Variants in PBX2 observed in about 807,000 individuals in gnomAD.
PBX2 encodes the protein pre-B-cell leukemia transcription factor 2.
In PBX2, 10 loss-of-function variants were observed where a neutral mutation model predicts 46.5. The observed-to-expected ratio is 0.21, with a 90% CI of 0.13 to 0.36. PBX2 has a LOEUF of 0.36. PBX2 is among the 10% of genes least tolerant of loss of function. The probability of loss-of-function intolerance (pLI) is 1.00; values close to 1 mark genes in which losing one functional copy is unlikely to be tolerated. For missense variants in PBX2, 392 were observed against 580.5 expected, an observed-to-expected ratio of 0.68 and a Z score of 3.34; for synonymous variants, 160 against 222.5, an observed-to-expected ratio of 0.72 and a Z score of 2.50.
Position 32,187,566 on chromosome 6 carries a change from G to A in PBX2, c.870+81C>T. ...TCCCACTTCAGCCTCCCTAGTAGCT[G>A]GGATTACAGGAACACACCACTGCAC... On this transcript the variant is annotated intron_variant, in intron 5 of 8. Transcript: ENST00000375050. This position sits in a 1 kb window ranked among gnomAD's most constrained non-coding sequence, Gnocchi z 7.7. 6.5e-7 allele frequency: 1 copy of A among 1,527,786 alleles called. No individual in the cohort carries two copies. Among genetic ancestry groups the A allele is most frequent in the Non-Finnish European group, 8.8e-7 (1 of 1,130,638 alleles). 94.6% of individuals were successfully genotyped at this position (1,527,786 alleles called of 1,614,324 possible). A position where few individuals can be genotyped will look rare whatever the true frequency, so the allele number is the denominator to read the frequency against.
chr6:32,189,168 A>G lies in PBX2; in HGVS notation c.222-372T>C. 2 of 370,722 alleles carry G rather than the reference A, an allele frequency of 5.4e-6. No homozygotes were observed. The highest frequency in any genetic ancestry group is 2.0e-5 in the African/African-American group (1 of 49,156). The allele number at this position is 370,722 out of a possible 1,614,324, so 23.0% of individuals were successfully genotyped here. On this transcript the variant is annotated intron_variant, in intron 1 of 8. Coordinates refer to ENST00000375050, the MANE Select transcript of PBX2 (RefSeq NM_002586.5). This position sits in a 1 kb window ranked among gnomAD's most constrained non-coding sequence, Gnocchi z 4.7. ...GAAGAGTCAGAGTTTGAGGTGGCAG[A>G]GTGGGGCTGGGGGTGCCGAGCTAAC... is the stretch of plus-strand genomic sequence containing the variant.
In PBX2 at chr6:32,187,445, T is replaced by G; in HGVS notation, c.871-50A>C. ...GTAGAAACATTTGCCTCTGAAGTCC[T>G]TCACTGAATAAGATGTGAGTGACAG... is the stretch of plus-strand genomic sequence containing the variant. On this transcript the variant is annotated intron_variant, in intron 5 of 8. Transcript: ENST00000375050. This position sits in a 1 kb window ranked among gnomAD's most constrained non-coding sequence, Gnocchi z 7.7. 3 of 1,594,776 alleles carry G rather than the reference T, an allele frequency of 1.9e-6. No individual in the cohort carries two copies. Among genetic ancestry groups the G allele is most frequent in the Non-Finnish European group, 2.6e-6 (3 of 1,168,114 alleles).
chr6:32,186,181 C>G lies in PBX2; in HGVS notation c.*201G>C. The G allele has an allele frequency of 3.4e-6, 2 of 591,426 alleles. No individual in the cohort carries two copies. The highest frequency in any genetic ancestry group is 3.1e-5 in the Admixed American group (1 of 32,296). 36.6% of individuals were successfully genotyped at this position (591,426 alleles called of 1,614,324 possible). ...GATGGAAAAAAGGGAGAGACAGACC[C>G]CACACTCCCCTTAGAGGCCCCATTC... On this transcript the variant is annotated 3_prime_UTR_variant, in exon 9 of 9. Coordinates refer to ENST00000375050, the MANE Select transcript of PBX2 (RefSeq NM_002586.5). This position sits in a 1 kb window ranked among gnomAD's most constrained non-coding sequence, Gnocchi z 4.2.
rs1787268786 is a variant in PBX2, at chr6:32,188,856, G to A, written c.222-60C>T. The stretch of plus-strand genomic sequence containing the variant: ...TGAGGAGCTAGAGAAACAGAGCAGG[G>A]GGCCTGAGAACAAGGAGGGAGGAGG... On this transcript the variant is annotated intron_variant, in intron 1 of 8. Coordinates refer to ENST00000375050, the MANE Select transcript of PBX2 (RefSeq NM_002586.5). The surrounding 1 kb of genome is among the most constrained non-coding windows in gnomAD (Gnocchi z 6.5). 4 of 1,482,186 alleles carry A rather than the reference G, an allele frequency of 2.7e-6. No individual in the cohort carries two copies. The Admixed American group carries it at 6.7e-5, about 25-fold the overall frequency. 91.8% of individuals were successfully genotyped at this position (1,482,186 alleles called of 1,614,324 possible). A position where few individuals can be genotyped will look rare whatever the true frequency, so the allele number is the denominator to read the frequency against.
Position 32,187,812 on chromosome 6 carries a change from G to A in PBX2, c.735-30C>T. The stretch of plus-strand genomic sequence containing the variant: ...AGAGGAGGGAGAAGAGCAGTGAGGA[G>A]GATGTTGATGTCCTGGCAGGGCTGT... On this transcript the variant is annotated intron_variant, in intron 4 of 8. Coordinates refer to ENST00000375050, the MANE Select transcript of PBX2 (RefSeq NM_002586.5). This position sits in a 1 kb window ranked among gnomAD's most constrained non-coding sequence, Gnocchi z 7.7. 1 of 1,609,438 alleles carries A rather than the reference G, an allele frequency of 6.2e-7. No homozygotes were observed. Among genetic ancestry groups the A allele is most frequent in the African/African-American group, 1.3e-5 (1 of 75,024 alleles).
At position 32,187,774 on chromosome 6, in the gene PBX2, C is replaced by T; in HGVS notation, c.743G>A (p.Arg248His). 3 of 1,612,698 alleles carry T rather than the reference C, an allele frequency of 1.9e-6. No individual in the cohort carries two copies. The highest frequency in any genetic ancestry group is 2.5e-6 in the Non-Finnish European group (3 of 1,179,866). The change falls in exon 5 of 9, where the codon CGC (arginine) becomes CAC (histidine). Residue 248 changes from arginine to histidine, a missense_variant. Transcript: ENST00000375050. This position sits in a 1 kb window ranked among gnomAD's most constrained non-coding sequence, Gnocchi z 7.7. ...RSRFLDARRK[R>H]RNFSKQATEV... ...AGTGGCCTGTTTGCTGAAGTTACGG[C>T]GCTTTCGTCTACAGAGGAGGGAGAA...
chr6:32,187,320 AGATGTTTGCCTCCTCTTGGAACTTTCC>A lies in PBX2; in HGVS notation c.919_945del (p.Gly307_Ile315del). 6.2e-7 allele frequency: 1 copy of A among 1,613,054 alleles called. No individual in the cohort carries two copies. Among genetic ancestry groups the A allele is most frequent in the Non-Finnish European group, 8.5e-7 (1 of 1,180,020 alleles). On this transcript the variant is annotated inframe_deletion, in exon 6 of 9. Coordinates refer to ENST00000375050, the MANE Select transcript of PBX2 (RefSeq NM_002586.5). The surrounding 1 kb of genome is among the most constrained non-coding windows in gnomAD (Gnocchi z 7.7). ...ACTGACACGGCGGTCTTGACAGCAT[AGATGTTTGCCTCCTCTTGGAACTTTCC>A]GATGTTTTTCTTATAGCGAATCCTC...
At position 32,187,173 on chromosome 6, in the gene PBX2, C is replaced by T. The variant is rs1203697725; in HGVS notation, c.1024+69G>A. The T allele has an allele frequency of 5.7e-6, 9 of 1,592,200 alleles. No homozygotes were observed. The highest frequency in any genetic ancestry group is 7.7e-6 in the Non-Finnish European group (9 of 1,164,388). On this transcript the variant is annotated intron_variant, in intron 6 of 8. Transcript: ENST00000375050. This position sits in a 1 kb window ranked among gnomAD's most constrained non-coding sequence, Gnocchi z 7.7. ...GGCCCCCTCTCTGCTATGATCCTGC[C>T]TAGATAGGAAGTGGGAACAAAAGCA...
In PBX2 at chr6:32,190,123, C is replaced by A. The variant is rs1445547276; in HGVS notation, c.-208G>T. On this transcript the variant is annotated 5_prime_UTR_variant, in exon 1 of 9. Coordinates refer to ENST00000375050, the MANE Select transcript of PBX2 (RefSeq NM_002586.5). Reference sequence around the variant, plus strand: ...GCCCCCCACAGGAGACCCCGGCCCCCGGCGGCGGAGAAAATGGAGCCGGAG... The same window carrying A: ...GCCCCCCACAGGAGACCCCGGCCCCAGGCGGCGGAGAAAATGGAGCCGGAG... The A allele has an allele frequency of 7.3e-6, 3 of 409,866 alleles. No individual in the cohort carries two copies. Among genetic ancestry groups the A allele is most frequent in the Non-Finnish European group, 1.3e-5 (3 of 231,498 alleles). 25.4% of individuals were successfully genotyped at this position (409,866 alleles called of 1,614,324 possible). A position where few individuals can be genotyped will look rare whatever the true frequency, so the allele number is the denominator to read the frequency against.
Position 32,187,592 on chromosome 6 carries a change from C to G in PBX2, c.870+55G>C. On this transcript the variant is annotated intron_variant, in intron 5 of 8. Transcript: ENST00000375050. This position sits in a 1 kb window ranked among gnomAD's most constrained non-coding sequence, Gnocchi z 7.7. ...GGATTACAGGAACACACCACTGCAC[C>G]TAGCTGAGATGCGTGCACTTTGCCT... The G allele has an allele frequency of 2.6e-6, 4 of 1,555,150 alleles. No individual in the cohort carries two copies. The highest frequency in any genetic ancestry group is 3.5e-6 in the Non-Finnish European group (4 of 1,148,392).
chr6:32,186,135 A>G lies in PBX2; in HGVS notation c.*247T>C. ...GGTATGTGTATGTTTCTGTGTAAGA[A>G]AGAAAGCGAGAGAGGAAAAAGATGG... On this transcript the variant is annotated 3_prime_UTR_variant, in exon 9 of 9. Coordinates refer to ENST00000375050, the MANE Select transcript of PBX2 (RefSeq NM_002586.5). This position sits in a 1 kb window ranked among gnomAD's most constrained non-coding sequence, Gnocchi z 4.2. 1 of 566,448 alleles carries G rather than the reference A, an allele frequency of 1.8e-6. No homozygotes were observed. Among genetic ancestry groups the G allele is most frequent in the Non-Finnish European group, 3.2e-6 (1 of 317,262 alleles). The allele number at this position is 566,448 out of a possible 1,614,324, so 35.1% of individuals were successfully genotyped here. A position where few individuals can be genotyped will look rare whatever the true frequency, so the allele number is the denominator to read the frequency against.
rs1012038769 is a variant in PBX2, at chr6:32,187,153, CCT to C, written c.1024+87_1024+88del. On this transcript the variant is annotated intron_variant, in intron 6 of 8. Coordinates refer to ENST00000375050, the MANE Select transcript of PBX2 (RefSeq NM_002586.5). This position sits in a 1 kb window ranked among gnomAD's most constrained non-coding sequence, Gnocchi z 7.7. ...CGGTCCCTCTCACCCCAAAAGGCCC[CCT>C]CTCTGCTATGATCCTGCCTAGATAG... 8 of 1,530,382 alleles carry C rather than the reference CCT, an allele frequency of 5.2e-6. No homozygotes were observed. In the African/African-American group the frequency reaches 8.2e-5, roughly 16 times the overall value. 94.8% of individuals were successfully genotyped at this position (1,530,382 alleles called of 1,614,324 possible).
At position 32,187,541 on chromosome 6, in the gene PBX2, T is replaced by C; in HGVS notation, c.870+106A>G. 1 of 1,508,474 alleles carries C rather than the reference T, an allele frequency of 6.6e-7. No individual in the cohort carries two copies. The highest frequency in any genetic ancestry group is 9.0e-7 in the Non-Finnish European group (1 of 1,113,062). 93.4% of individuals were successfully genotyped at this position (1,508,474 alleles called of 1,614,324 possible). The stretch of plus-strand genomic sequence containing the variant: ...GGCTGGTCTCCAATTCAAGTGATCC[T>C]CCCACTTCAGCCTCCCTAGTAGCTG... On this transcript the variant is annotated intron_variant, in intron 5 of 8. Transcript: ENST00000375050. The surrounding 1 kb of genome is among the most constrained non-coding windows in gnomAD (Gnocchi z 7.7).
In PBX2 at chr6:32,189,399, T is replaced by C. The variant is rs1231663225; in HGVS notation, c.221+296A>G. Reference sequence around the variant, plus strand: ...GTAGCCCAAGAACAGTTTCTTAGTCTGGGAGCCAGAGGGGGCTCCCGGGGA... The same window carrying C: ...GTAGCCCAAGAACAGTTTCTTAGTCCGGGAGCCAGAGGGGGCTCCCGGGGA... On this transcript the variant is annotated intron_variant, in intron 1 of 8. Transcript: ENST00000375050. This position sits in a 1 kb window ranked among gnomAD's most constrained non-coding sequence, Gnocchi z 4.7. Among the ~76,000 whole-genome samples, 1 of 151,978 alleles carries C rather than the reference T, an allele frequency of 6.6e-6. No homozygotes were observed. The highest frequency in any genetic ancestry group is 1.5e-5 in the Non-Finnish European group (1 of 67,956).
chr6:32,186,140 A>C lies in PBX2; in HGVS notation c.*242T>G, dbSNP rs995. On this transcript the variant is annotated 3_prime_UTR_variant, in exon 9 of 9. Coordinates refer to ENST00000375050, the MANE Select transcript of PBX2 (RefSeq NM_002586.5). This position sits in a 1 kb window ranked among gnomAD's most constrained non-coding sequence, Gnocchi z 4.2. The stretch of plus-strand genomic sequence containing the variant: ...GTGTATGTTTCTGTGTAAGAAAGAA[A>C]GCGAGAGAGGAAAAAGATGGAAAAA... 1.8e-6 allele frequency: 1 copy of C among 569,600 alleles called. No homozygotes were observed. Among genetic ancestry groups the C allele is most frequent in the Non-Finnish European group, 3.1e-6 (1 of 318,582 alleles). 35.3% of individuals were successfully genotyped at this position (569,600 alleles called of 1,614,324 possible).
chr6:32,189,566 G>T lies in PBX2; in HGVS notation c.221+129C>A. ...GGATCACTTTTCTATGGGCTCCCAG[G>T]AATAAGGAGAGAAGAGAGCTGTTGG... On this transcript the variant is annotated intron_variant, in intron 1 of 8. Coordinates refer to ENST00000375050, the MANE Select transcript of PBX2 (RefSeq NM_002586.5). The surrounding 1 kb of genome is among the most constrained non-coding windows in gnomAD (Gnocchi z 4.7). The T allele has an allele frequency of 1.5e-6, 1 of 646,998 alleles. No homozygotes were observed. The highest frequency in any genetic ancestry group is 3.2e-5 in the East Asian group (1 of 31,496). The allele number at this position is 646,998 out of a possible 1,614,324, so 40.1% of individuals were successfully genotyped here. A position where few individuals can be genotyped will look rare whatever the true frequency, so the allele number is the denominator to read the frequency against.
Position 32,189,133 on chromosome 6 carries a change from C to G in PBX2, c.222-337G>C. 2.3e-6 allele frequency: 1 copy of G among 432,290 alleles called. No individual in the cohort carries two copies. The highest frequency in any genetic ancestry group is 4.2e-6 in the Non-Finnish European group (1 of 235,700). The allele number at this position is 432,290 out of a possible 1,614,324, so 26.8% of individuals were successfully genotyped here. ...GGTTTCAGAGGGAGAGAGACAGAGG[C>G]TGGGGTTGAGAAGAGTCAGAGTTTG... On this transcript the variant is annotated intron_variant, in intron 1 of 8. Coordinates refer to ENST00000375050, the MANE Select transcript of PBX2 (RefSeq NM_002586.5). This position sits in a 1 kb window ranked among gnomAD's most constrained non-coding sequence, Gnocchi z 4.7.
At position 32,188,290 on chromosome 6, in the gene PBX2, G is replaced by A. The variant is rs563214940; in HGVS notation, c.510C>T (p.His170=). 1.1e-5 allele frequency: 17 copies of A among 1,613,988 alleles called. No individual in the cohort carries two copies. In the South Asian group the frequency reaches 1.6e-4, roughly 16 times the overall value. ...DYRSKLAQIR[H]IYHSELEKYE... is the part of the protein sequence containing the mutation. ...ACTTCTCCAGCTCCGAGTGGTATAT[G>A]TGACGGATCTGGGCAAGTTTGCTGC... Residue 170 remains histidine (H), a synonymous_variant, in exon 3 of 9, where the codon CAC becomes CAT. Coordinates refer to ENST00000375050, the MANE Select transcript of PBX2 (RefSeq NM_002586.5). The surrounding 1 kb of genome is among the most constrained non-coding windows in gnomAD (Gnocchi z 6.5).
In PBX2 at chr6:32,187,399, T is replaced by C. The variant is rs1787193514; in HGVS notation, c.871-4A>G. On this transcript the variant is annotated splice_polypyrimidine_tract_variant and splice_region_variant and intron_variant, in intron 5 of 8. Coordinates refer to ENST00000375050, the MANE Select transcript of PBX2 (RefSeq NM_002586.5). This position sits in a 1 kb window ranked among gnomAD's most constrained non-coding sequence, Gnocchi z 7.7. ...TGTTGCCAAACCAGTTGGAGACCTGTGGGGCAGAAAGGAGGGTCAGGTAGA... is the reference window on the plus strand; with the variant it reads ...TGTTGCCAAACCAGTTGGAGACCTGCGGGGCAGAAAGGAGGGTCAGGTAGA... 1 of 1,612,552 alleles carries C rather than the reference T, an allele frequency of 6.2e-7. No individual in the cohort carries two copies. Among genetic ancestry groups the C allele is most frequent in the Non-Finnish European group, 8.5e-7 (1 of 1,179,634 alleles).
Sources: gnomAD v4.1 joint callset for allele counts (sites outside exome capture counted in the v4.1 genomes callset) on GRCh38, gnomAD v4.1.1 for gene constraint, Gnocchi (gnomAD v3.1) non-coding constraint, MANE v1.5 for transcripts, NCBI Gene and HGNC (gene_info 2026-07-23, HGNC 2026-07-21) for gene names.